POGK: variants seen among roughly 807,000 people sequenced by gnomAD.
POGK encodes pogo transposable element derived with KRAB domain.
POGK carries 16 observed loss-of-function variants against 54.4 expected under a neutral mutation model. The observed-to-expected ratio is 0.29, with a 90% CI of 0.20 to 0.45. The LOEUF (loss-of-function observed/expected upper bound fraction) is 0.45. Ranked by LOEUF, POGK falls within the 20% of genes least tolerant of loss-of-function variation. POGK has a pLI of 1.00. For synonymous variants in POGK, 271 were observed against 302.2 expected, an observed-to-expected ratio of 0.90 and a Z score of 1.07; for missense variants, 515 against 795.6, an observed-to-expected ratio of 0.65 and a Z score of 4.24.
intron 1 of POGK, chr1:166,840,568 C>T (rs1237788521): frequency 6.2e-6 from 1 of 161,938 alleles, no homozygotes; most frequent in Non-Finnish European, 1.3e-5. Context: ...CAGCACCTTT[C>T]CCCTGCCTCT....
intron 1 of POGK, 109 bp from the exon 2 acceptor site, chr1:166,840,844 GAA>G: frequency 7.3e-7 from 1 of 1,362,972 alleles, no homozygotes; most frequent in East Asian, 2.3e-5. Flanking sequence ...CCTCCAGCGG[GAA>G]CAGTGCTTGG....
At position 166,849,524 on chromosome 1, in the gene POGK, A is replaced by C; in HGVS notation, c.945A>C (p.Arg315Ser). The change falls in exon 5 of 6, where the codon AGA becomes AGC. Residue 315 changes from arginine (R) to serine (S), a missense_variant. This residue lies in a region of POGK where 461 missense variants were observed against 743.5 expected (regional missense o/e 0.62). Transcript: ENST00000367876. ...TGGGTTGGTGTCGAAGAATGATGAG[A>C]AGGTATGACCTGTCTCTGAGGCATA... ...ASLGWCRRMM[R>S]RYDLSLRHKV... is the part of the protein sequence containing the mutation. 3 of 1,614,250 alleles carry C rather than the reference A, an allele frequency of 1.9e-6. No individual in the cohort carries two copies. The highest frequency in any genetic ancestry group is 2.5e-6 in the Non-Finnish European group (3 of 1,180,046).
At chr1:166,839,760 C>T (rs1322807432) in intron 1 of POGK, 156 bp downstream of exon 1, 8 of 148,070 alleles carry the variant, frequency 5.4e-5, no homozygotes, top group Non-Finnish European at 9.0e-5. Flanking sequence ...CGGCTCTCGC[C>T]GCCCGGCAGG....
At chr1:166,843,854 G>GGA (rs1201596737) in intron 2 of POGK, among the ~76,000 whole-genome samples, 2 of 152,240 alleles carry the variant, frequency 1.3e-5, no homozygotes, top group African/African-American at 4.8e-5. Flanking sequence ...CTGAGGAAAG[G>GGA]GAGGAGGGCA....
In POGK at chr1:166,854,408, A is replaced by G. The variant is rs994617711; in HGVS notation, c.*1838A>G. ...TAGAATTACTATAGCACATATTGAGATATAGTTGTACTCCCTAGTAGATAG... is the reference window on the plus strand; with the variant it reads ...TAGAATTACTATAGCACATATTGAGGTATAGTTGTACTCCCTAGTAGATAG... On this transcript the variant is annotated 3_prime_UTR_variant, in exon 6 of 6. Coordinates refer to ENST00000367876, the MANE Select transcript of POGK (RefSeq NM_017542.5). 3 of 152,618 alleles carry G rather than the reference A, an allele frequency of 2.0e-5. No homozygotes were observed. The highest frequency in any genetic ancestry group is 4.4e-5 in the Non-Finnish European group (3 of 68,032). The allele number at this position is 152,618 out of a possible 1,614,324, so 9.5% of individuals were successfully genotyped here.
chr1:166,849,541 T>C lies in POGK; in HGVS notation c.962T>C (p.Leu321Pro), dbSNP rs1289473406. 6.2e-7 allele frequency: 1 copy of C among 1,614,294 alleles called. No homozygotes were observed. Residue 321 changes from leucine (L) to proline (P), a missense_variant, in exon 5 of 6, where the codon CTG (leucine) becomes CCG (proline). By Grantham distance (98) the Leu-to-Pro change is moderately conservative (BLOSUM62 -3). Transcript: ENST00000367876. Reference sequence around the variant, plus strand: ...ATGATGAGAAGGTATGACCTGTCTCTGAGGCATAAAGTGCCCGTGCCCCAG... The same window carrying C: ...ATGATGAGAAGGTATGACCTGTCTCCGAGGCATAAAGTGCCCGTGCCCCAG... ...RRMMRRYDLS[L>P]RHKVPVPQHL... is the part of the protein sequence containing the mutation.
intron 2 of POGK, among the ~76,000 whole-genome samples, chr1:166,842,242 G>A (rs998164232): frequency 6.6e-6 from 1 of 152,220 alleles, no homozygotes; most frequent in Admixed American, 6.5e-5. Context: ...GAGAACAGGT[G>A]CAATGAAAGT....
In POGK at chr1:166,854,400, A is replaced by G. The variant is rs1006837019; in HGVS notation, c.*1830A>G. The G allele has an allele frequency of 1.3e-5, 2 of 152,686 alleles. No homozygotes were observed. The highest frequency in any genetic ancestry group is 4.8e-5 in the African/African-American group (2 of 41,468). The allele number at this position is 152,686 out of a possible 1,614,324, so 9.5% of individuals were successfully genotyped here. A position where few individuals can be genotyped will look rare whatever the true frequency, so the allele number is the denominator to read the frequency against. On this transcript the variant is annotated 3_prime_UTR_variant, in exon 6 of 6. Coordinates refer to ENST00000367876, the MANE Select transcript of POGK (RefSeq NM_017542.5). ...TGTTACCCTAGAATTACTATAGCAC[A>G]TATTGAGATATAGTTGTACTCCCTA...
chr1:166,850,394 G>A lies in POGK; in HGVS notation c.1815G>A (p.Met605Ile). The change falls in exon 5 of 6, where the codon ATG becomes ATA. Residue 605 changes from methionine (M) to isoleucine (I), a missense_variant. Physicochemically the swap from Met to Ile is conservative, Grantham distance 10. This residue lies in a region of POGK where 461 missense variants were observed against 743.5 expected (regional missense o/e 0.62). Transcript: ENST00000367876. ...EPPKDCDTES[M>I]AESN ...CAAAAGATTGTGACACCGAAAGCATGGCTGAGAGCAACTGAAGGGAAAGGG... is the reference window on the plus strand; with the variant it reads ...CAAAAGATTGTGACACCGAAAGCATAGCTGAGAGCAACTGAAGGGAAAGGG... The A allele has an allele frequency of 6.2e-7, 1 of 1,608,880 alleles. No homozygotes were observed. Among genetic ancestry groups the A allele is most frequent in the Admixed American group, 1.7e-5 (1 of 59,828 alleles).
rs1360086377 is a variant in POGK, at chr1:166,849,294, C to T, written c.715C>T (p.Pro239Ser). 1 of 1,614,224 alleles carries T rather than the reference C, an allele frequency of 6.2e-7. No individual in the cohort carries two copies. The highest frequency in any genetic ancestry group is 8.5e-7 in the Non-Finnish European group (1 of 1,180,044). Reference protein sequence around the residue: ...KNVRDWRKVKPQLQNAHAMRR... With the variant: ...KNVRDWRKVKSQLQNAHAMRR... Reference sequence around the variant, plus strand: ...CGTTCGAGACTGGCGCAAAGTGAAGCCACAGCTTCAAAACGCCCACGCCAT... The same window carrying T: ...CGTTCGAGACTGGCGCAAAGTGAAGTCACAGCTTCAAAACGCCCACGCCAT... Residue 239 changes from proline to serine, a missense_variant, in exon 5 of 6, where the codon CCA becomes TCA. This residue lies in a region of POGK where 461 missense variants were observed against 743.5 expected (regional missense o/e 0.62). Coordinates refer to ENST00000367876, the MANE Select transcript of POGK (RefSeq NM_017542.5).
At chr1:166,847,243 A>G (rs1366566730) in intron 3 of POGK, among the ~76,000 whole-genome samples, 1 of 152,148 alleles carries the variant, frequency 6.6e-6, no homozygotes, top group Admixed American at 6.5e-5. Flanking sequence ...AGCTGCATTC[A>G]CCCTTCTCCC....
chr1:166,850,262 G>A lies in POGK; in HGVS notation c.1683G>A (p.Glu561=), dbSNP rs1658005911. 1 of 1,569,298 alleles carries A rather than the reference G, an allele frequency of 6.4e-7. No homozygotes were observed. ...TCGCGTGGAATAGCATCTCAAGTGA[G>A]TCCATCGTCCAAGGGTTCAAGAAGT... The part of the protein sequence containing the change: ...VMVAWNSISS[E]SIVQGFKKCH... Residue 561 remains glutamate (E), a synonymous_variant, in exon 5 of 6, where the codon GAG becomes GAA. Transcript: ENST00000367876.
intron 4 of POGK, 32 bp downstream of exon 4, chr1:166,847,624 C>A (rs1571225120): frequency 2.6e-6 from 4 of 1,524,832 alleles, no homozygotes; most frequent in Non-Finnish European, 3.6e-6. Flanking sequence ...AGCGTCCATC[C>A]AGCTGGGAAC....
Position 166,850,440 on chromosome 1 carries a change from A to G in POGK, c.*14+17A>G. 1 of 1,564,596 alleles carries G rather than the reference A, an allele frequency of 6.4e-7. No individual in the cohort carries two copies. The highest frequency in any genetic ancestry group is 1.2e-5 in the South Asian group (1 of 83,020). ...AAGGGAAAGGTAACCACTCAGGAGT[A>G]GATACTCAGTGCCTTTGCTGACATG... is the stretch of plus-strand genomic sequence containing the variant. On this transcript the variant is annotated intron_variant, in intron 5 of 5. Transcript: ENST00000367876.
In POGK at chr1:166,847,561, C is replaced by A; in HGVS notation, c.327C>A (p.Asp109Glu). The A allele has an allele frequency of 6.2e-7, 1 of 1,613,866 alleles. No individual in the cohort carries two copies. The highest frequency in any genetic ancestry group is 8.5e-7 in the Non-Finnish European group (1 of 1,179,836). The change falls in exon 4 of 6, where the codon GAC (aspartate) becomes GAA (glutamate). Residue 109 changes from aspartate to glutamate, a missense_variant. Physicochemically the swap from Asp to Glu is conservative, Grantham distance 45 (BLOSUM62 2). This residue lies in a region of POGK where 461 missense variants were observed against 743.5 expected (regional missense o/e 0.62). Coordinates refer to ENST00000367876, the MANE Select transcript of POGK (RefSeq NM_017542.5). The part of the protein sequence containing the change: ...LEGEEESQNS[D>E]EWQLQGGTSA... ...GGGAGGAGGAGTCTCAGAATTCTGA[C>A]GAGTGGCAGCTCCAAGGAGGCACCT...
chr1:166,851,107 C>G (rs537163808), intron 5 of POGK: 1 of 152,266 alleles, frequency 6.6e-6, no homozygotes, highest in Admixed American at 6.5e-5. Context: ...AAAATTTTGT[C>G]TGAAAAGCCA....
At position 166,850,085 on chromosome 1, in the gene POGK, G is replaced by C. The variant is rs1323772165; in HGVS notation, c.1506G>C (p.Gln502His). The C allele has an allele frequency of 6.2e-7, 1 of 1,612,814 alleles. No homozygotes were observed. Among genetic ancestry groups the C allele is most frequent in the Non-Finnish European group, 8.5e-7 (1 of 1,179,492 alleles). Residue 502 changes from glutamine to histidine, a missense_variant, in exon 5 of 6, where the codon CAG (glutamine) becomes CAC (histidine). This residue lies in a region of POGK where 461 missense variants were observed against 743.5 expected (regional missense o/e 0.62). Transcript: ENST00000367876. ...MVIIPGGLTSQLQVLDVVVYK... is the reference protein window; with the variant it reads ...MVIIPGGLTSHLQVLDVVVYK... ...TCATCCCAGGGGGTCTGACCTCACA[G>C]CTTCAGGTGCTGGATGTCGTGGTCT...
At chr1:166,843,335 C>T (rs964838519) in intron 2 of POGK, among the ~76,000 whole-genome samples, 6 of 152,230 alleles carry the variant, frequency 3.9e-5, no homozygotes, top group African/African-American at 1.2e-4. Flanking sequence ...GCTACGCCAG[C>T]GAGTTTGAGC....
intron 1 of POGK, chr1:166,840,504 T>C (rs1657448539): frequency 1.3e-5 from 2 of 154,380 alleles, no homozygotes; most frequent in African/African-American, 4.8e-5. Context: ...CTAGCACCCA[T>C]TCCAGTTGAG....
Sources: gnomAD v4.1 joint callset for allele counts (sites outside exome capture counted in the v4.1 genomes callset) on GRCh38, gnomAD v4.1.1 for gene constraint, gnomAD v4.1.1 regional missense constraint, MANE v1.5 for transcripts, NCBI Gene and HGNC (gene_info 2026-07-23, HGNC 2026-07-21) for gene names.